Variants in GARIN1B observed in about 807,000 individuals in gnomAD.
GARIN1B encodes golgi associated RAB2 interactor 1B.
the GARIN1B span, among the ~76,000 whole-genome samples, chr7:128,714,825 C>A: frequency 6.6e-6 from 1 of 152,100 alleles, no homozygotes; most frequent in African/African-American, 2.4e-5. Context: ...ACAAAGCCAG[C>A]CTCTGGATAA....
the GARIN1B span, chr7:128,724,850 G>A: frequency 7.8e-7 from 1 of 1,289,388 alleles, no homozygotes. Flanking sequence ...AACCAGTACA[G>A]CTTGGAGGAG....
At chr7:128,726,594 T>C in the GARIN1B span, among the ~76,000 whole-genome samples, 3 of 151,818 alleles carry the variant, frequency 2.0e-5, no homozygotes, top group African/African-American at 7.3e-5. Context: ...ATCAGCAGCA[T>C]GGGCTCTGCT....
the GARIN1B span, chr7:128,731,062 T>C: frequency 6.3e-7 from 1 of 1,592,804 alleles, no homozygotes. Flanking sequence ...TTAGGTAATT[T>C]ATATCCTATC....
chr7:128,725,568 C>T, the GARIN1B span, among the ~76,000 whole-genome samples: 233 of 152,276 alleles, frequency 1.5e-3, 1 homozygote, highest in African/African-American at 5.4e-3. Flanking sequence ...GATGGGGTTT[C>T]ACCATGTTGG....
chr7:128,717,860 T>C, the GARIN1B span, among the ~76,000 whole-genome samples: 6 of 152,142 alleles, frequency 3.9e-5, no homozygotes, highest in East Asian at 1.2e-3. Context: ...CCTTTTTAAA[T>C]TTTGGGGCCT....
At chr7:128,730,563 T>G in the GARIN1B span, among the ~76,000 whole-genome samples, 5 of 152,182 alleles carry the variant, frequency 3.3e-5, no homozygotes, top group Non-Finnish European at 7.3e-5. Context: ...GTACTTCCTA[T>G]GTGCCTCTGT....
the GARIN1B span, among the ~76,000 whole-genome samples, chr7:128,728,811 C>G: frequency 6.6e-6 from 1 of 152,160 alleles, no homozygotes; most frequent in East Asian, 1.9e-4. Context: ...GCTCACAGCC[C>G]CTGTTCTAAA....
chr7:128,710,141 C>G, the GARIN1B span, among the ~76,000 whole-genome samples: 1 of 152,138 alleles, frequency 6.6e-6, no homozygotes, highest in Non-Finnish European at 1.5e-5. Context: ...TGGTCTCAAA[C>G]TGGCCTCAAG....
At chr7:128,722,753 G>A in the GARIN1B span, among the ~76,000 whole-genome samples, 3 of 151,786 alleles carry the variant, frequency 2.0e-5, no homozygotes, top group Non-Finnish European at 2.9e-5. Flanking sequence ...TCAGTGAGCC[G>A]AGATCGCACC....
the GARIN1B span, chr7:128,714,243 T>A: frequency 9.0e-7 from 1 of 1,108,860 alleles, no homozygotes; most frequent in Non-Finnish European, 1.3e-6. Context: ...TGTCTATATG[T>A]GTTACATTTG....
chr7:128,729,626 G>A, the GARIN1B span, among the ~76,000 whole-genome samples: 1 of 152,122 alleles, frequency 6.6e-6, no homozygotes, highest in African/African-American at 2.4e-5. Flanking sequence ...TCCTTTTACT[G>A]GTGCTGTCTT....
the GARIN1B span, among the ~76,000 whole-genome samples, chr7:128,720,937 A>G: frequency 6.6e-6 from 1 of 152,114 alleles, no homozygotes; most frequent in African/African-American, 2.4e-5. Context: ...TGTGTTGGCT[A>G]TTCTAAATCT....
the GARIN1B span, chr7:128,715,762 TC>T: frequency 7.5e-7 from 1 of 1,331,366 alleles, no homozygotes; most frequent in South Asian, 1.3e-5. Context: ...ACTGAGAGAG[TC>T]CATCCCTGAA....
the GARIN1B span, chr7:128,723,514 AC>A: frequency 2.4e-6 from 1 of 418,050 alleles, no homozygotes; most frequent in Non-Finnish European, 4.2e-6. Flanking sequence ...GGAATTTGAG[AC>A]CAGCCTGGCC....
chr7:128,715,750 T>G, the GARIN1B span: 2 of 1,406,326 alleles, frequency 1.4e-6, no homozygotes, highest in Non-Finnish European at 2.0e-6. Context: ...TCCCAAGATA[T>G]GACTGAGAGA....
At chr7:128,715,331 C>G in the GARIN1B span, 1 of 1,516,192 alleles carries the variant, frequency 6.6e-7, no homozygotes, top group Non-Finnish European at 8.8e-7. Context: ...GTCATCCATT[C>G]ATCATTGTGA....
At chr7:128,731,220 C>G in the GARIN1B span, 894 of 1,080,952 alleles carry the variant, frequency 8.3e-4, 15 homozygotes, top group East Asian at 0.019. Context: ...AAAACTGCAA[C>G]CAAGGAAGAA....
the GARIN1B span, among the ~76,000 whole-genome samples, chr7:128,729,357 A>G: frequency 6.6e-6 from 1 of 152,230 alleles, no homozygotes; most frequent in African/African-American, 2.4e-5. Context: ...TTTAATGTCC[A>G]AACAGTCCCC....
the GARIN1B span, among the ~76,000 whole-genome samples, chr7:128,723,848 C>A: frequency 6.6e-6 from 1 of 151,984 alleles, no homozygotes; most frequent in Admixed American, 6.6e-5. Flanking sequence ...GGACAACCTT[C>A]CTCCAGCTCT....
Sources: gnomAD v4.1 joint callset for allele counts (sites outside exome capture counted in the v4.1 genomes callset) on GRCh38, gnomAD v4.1.1 for gene constraint, MANE v1.5 for transcripts, NCBI Gene and HGNC (gene_info 2026-07-23, HGNC 2026-07-21) for gene names.